The following NHEJ1 variants were observed in gnomAD, a reference collection of about 807,000 sequenced individuals.
NHEJ1 encodes non-homologous end joining factor 1, also known as non-homologous end-joining factor 1.
Under a neutral mutation model 39.4 loss-of-function variants are expected in NHEJ1, and 22 were observed. That is an observed-to-expected ratio of 0.56 (90% CI 0.40 to 0.80). The LOEUF is 0.80. Ranked by LOEUF, NHEJ1 falls within the 30% of genes least tolerant of loss-of-function variation. The pLI is 0.00. For missense variants in NHEJ1, 329 were observed against 357.1 expected, an observed-to-expected ratio of 0.92 and a Z score of 0.63; for synonymous variants, 154 against 135.6, an observed-to-expected ratio of 1.14 and a Z score of -0.94.
intron 3 of NHEJ1, among the ~76,000 whole-genome samples, chr2:219,152,669 G>T (rs1475182132): frequency 6.6e-6 from 1 of 151,810 alleles, no homozygotes; most frequent in Non-Finnish European, 1.5e-5. Flanking sequence ...GTTTCACTGT[G>T]TTGCCCAGGC....
intron 5 of NHEJ1, among the ~76,000 whole-genome samples, chr2:219,120,238 T>G (rs1054639883): frequency 1.8e-4 from 28 of 152,306 alleles, no homozygotes; most frequent in Non-Finnish European, 3.4e-4. Flanking sequence ...CTACAGCCCC[T>G]ATTATATGCC....
intron 5 of NHEJ1, among the ~76,000 whole-genome samples, chr2:219,144,924 C>G (rs1949721473): frequency 6.6e-6 from 1 of 152,080 alleles, no homozygotes; most frequent in African/African-American, 2.4e-5. Flanking sequence ...AAACTTGAAA[C>G]CTTTTCTAGG....
intron 5 of NHEJ1, among the ~76,000 whole-genome samples, chr2:219,140,396 T>C (rs1260131678): frequency 6.6e-6 from 1 of 152,186 alleles, no homozygotes; most frequent in Non-Finnish European, 1.5e-5. Flanking sequence ...TTGTTGATAA[T>C]AGGCCAGGAG....
intron 3 of NHEJ1, among the ~76,000 whole-genome samples, chr2:219,148,930 C>CTACA (rs1559202803): frequency 6.6e-6 from 1 of 151,886 alleles, no homozygotes; most frequent in African/African-American, 2.4e-5. Context: ...GTTGCCCAGG[C>CTACA]TACAGTACAG....
chr2:219,138,409 T>C (rs1949657547), intron 5 of NHEJ1, among the ~76,000 whole-genome samples: 1 of 152,234 alleles, frequency 6.6e-6, no homozygotes, highest in African/African-American at 2.4e-5. Context: ...AGGCTACTCA[T>C]CTATTTACAT....
chr2:219,088,066 G>A lies in NHEJ1; in HGVS notation c.589-9860C>T, dbSNP rs1032808718. ...CATAATGGCTAGAAGGAAAAAGGAT[G>A]ATAATATCAAGTGTTGACAAAGACA... On this transcript the variant is annotated intron_variant, in intron 5 of 7. Transcript: ENST00000356853. 7.9e-5 allele frequency among the ~76,000 whole-genome samples: 12 copies of A among 152,286 alleles called. No homozygotes were observed. In the South Asian group the frequency reaches 1.0e-3, roughly 13 times the overall value.
At chr2:219,086,539 C>T (rs1949113301) in intron 5 of NHEJ1, among the ~76,000 whole-genome samples, 1 of 152,146 alleles carries the variant, frequency 6.6e-6, no homozygotes, top group South Asian at 2.1e-4. Flanking sequence ...GACAAAATGC[C>T]CTCTAGAAAA....
intron 5 of NHEJ1, among the ~76,000 whole-genome samples, chr2:219,116,763 T>C (rs865785426): frequency 6.6e-6 from 1 of 152,178 alleles, no homozygotes; most frequent in South Asian, 2.1e-4. Flanking sequence ...CCCTTGTATA[T>C]GGCTATAGGA....
chr2:219,110,520 C>CA (rs764285552), intron 5 of NHEJ1, among the ~76,000 whole-genome samples: 590 of 69,542 alleles, frequency 8.5e-3, no homozygotes, highest in Middle Eastern at 0.018. Flanking sequence ...GAGATGCTGC[C>CA]AAAAAAAAAA....
chr2:219,136,076 A>G (rs1347607126), intron 5 of NHEJ1, among the ~76,000 whole-genome samples: 1 of 152,136 alleles, frequency 6.6e-6, no homozygotes, highest in African/African-American at 2.4e-5. Context: ...ATACATGTTT[A>G]TGTAATATGA....
At chr2:219,121,313 GT>G (rs1949469323) in intron 5 of NHEJ1, among the ~76,000 whole-genome samples, 1 of 151,910 alleles carries the variant, frequency 6.6e-6, no homozygotes, top group Non-Finnish European at 1.5e-5. Flanking sequence ...TATAATTCAA[GT>G]TTATCCCTTC....
chr2:219,135,043 T>TAAAAAAAAAAAAAAAAAAAAAAAAAAAA (rs59843524), intron 5 of NHEJ1, among the ~76,000 whole-genome samples: 1 of 110,400 alleles, frequency 9.1e-6, no homozygotes, highest in Non-Finnish European at 1.8e-5. Flanking sequence ...CCGTCTCAAT[T>TAAAAAAAAAAAAAAAAAAAAAAAAAAAA]AAAAAAAAAA....
At position 219,073,447 on chromosome 2, in the gene NHEJ1, G is replaced by A; in HGVS notation, c.*2934C>T. Among the ~76,000 whole-genome samples, 1 of 152,200 alleles carries A rather than the reference G, an allele frequency of 6.6e-6. No homozygotes were observed. Among genetic ancestry groups the A allele is most frequent in the East Asian group, 1.9e-4 (1 of 5,198 alleles). On this transcript the variant is annotated 3_prime_UTR_variant, in exon 8 of 8. Transcript: ENST00000356853. Reference sequence around the variant, plus strand: ...GGGTTGCTGGGGAAGCCCCCACTGAGGCATGAGAAAAGGAGGTGCTACCCA... The same window carrying A: ...GGGTTGCTGGGGAAGCCCCCACTGAAGCATGAGAAAAGGAGGTGCTACCCA...
intron 5 of NHEJ1, among the ~76,000 whole-genome samples, chr2:219,091,502 A>G (rs1015002287): frequency 2.0e-5 from 3 of 152,068 alleles, no homozygotes; most frequent in Non-Finnish European, 4.4e-5. Context: ...TAGAGATGAA[A>G]TGACTGAACT....
At chr2:219,159,937 G>A (rs541761610) in intron 1 of NHEJ1, among the ~76,000 whole-genome samples, 33 of 152,206 alleles carry the variant, frequency 2.2e-4, no homozygotes, top group African/African-American at 7.7e-4. Context: ...TGGGTAAAGG[G>A]GGAGGAGTTT....
At chr2:219,135,612 A>C (rs1949620250) in intron 5 of NHEJ1, among the ~76,000 whole-genome samples, 1 of 152,140 alleles carries the variant, frequency 6.6e-6, no homozygotes, top group African/African-American at 2.4e-5. Flanking sequence ...CCGTCTCAAA[A>C]GTAAAGAAGT....
At chr2:219,084,955 C>T (rs1045856219) in intron 5 of NHEJ1, among the ~76,000 whole-genome samples, 4 of 152,194 alleles carry the variant, frequency 2.6e-5, no homozygotes, top group Non-Finnish European at 5.9e-5. Context: ...TCTGCACAGC[C>T]CAACTGATCC....
At chr2:219,151,161 G>A (rs977901215) in intron 3 of NHEJ1, among the ~76,000 whole-genome samples, 1 of 148,916 alleles carries the variant, frequency 6.7e-6, no homozygotes, top group Non-Finnish European at 1.5e-5. Context: ...GTTTGGTACT[G>A]TTTAAGGTAG....
chr2:219,115,201 GA>G (rs1364931793), intron 5 of NHEJ1, among the ~76,000 whole-genome samples: 1 of 151,624 alleles, frequency 6.6e-6, no homozygotes, highest in Non-Finnish European at 1.5e-5. Context: ...GCAGGGGGAG[GA>G]AAAACCCAAA....
Sources: allele counts gnomAD v4.1 joint callset (sites outside exome capture counted in the v4.1 genomes callset), GRCh38; gene constraint gnomAD v4.1.1; transcripts MANE v1.5; gene names NCBI Gene and HGNC (gene_info 2026-07-23, HGNC 2026-07-21).